Variants in SELENOF observed in about 807,000 individuals in gnomAD.
SELENOF encodes 15 kDa selenoprotein.
Under a neutral mutation model 20.5 loss-of-function variants are expected in SELENOF, and 16 were observed. That is an observed-to-expected ratio of 0.78 (90% CI 0.53 to 1.19). SELENOF has a LOEUF of 1.19. SELENOF is among the 50% of genes most tolerant of loss of function. The probability of loss-of-function intolerance (pLI) is 0.00; values close to 1 mark genes in which losing one functional copy is unlikely to be tolerated. For synonymous variants in SELENOF, 78 were observed against 74.5 expected, an observed-to-expected ratio of 1.05 and a Z score of -0.24; for missense variants, 215 against 194.2, an observed-to-expected ratio of 1.11 and a Z score of -0.64.
intron 3 of SELENOF, among the ~76,000 whole-genome samples, chr1:86,877,546 C>CAT (rs1658953726): frequency 1.3e-5 from 2 of 152,174 alleles, no homozygotes; most frequent in African/African-American, 4.8e-5. Flanking sequence ...ACTTATGTTT[C>CAT]ATATATACCT....
At chr1:86,914,132 C>T, upstream of SELENOF, 1 of 1,612,810 alleles carries the variant, frequency 6.2e-7, no homozygotes, top group South Asian at 1.1e-5. Context: ...TTTCTGGCTG[C>T]CTAGAAGGAC....
chr1:86,902,776 T>G (rs1406950360), intron 2 of SELENOF, among the ~76,000 whole-genome samples: 2 of 152,214 alleles, frequency 1.3e-5, no homozygotes, highest in Non-Finnish European at 2.9e-5. Context: ...CTTGGCTCTG[T>G]TTTCAGATGT....
chr1:86,870,392 C>T (rs769214991), intron 3 of SELENOF, among the ~76,000 whole-genome samples: 24 of 152,150 alleles, frequency 1.6e-4, no homozygotes, highest in Non-Finnish European at 2.6e-4. Flanking sequence ...CTGCAAACTC[C>T]TGAATCCCCA....
chr1:86,879,824 T>G (rs1431440413), intron 3 of SELENOF, among the ~76,000 whole-genome samples: 1 of 152,228 alleles, frequency 6.6e-6, no homozygotes, highest in South Asian at 2.1e-4. Flanking sequence ...AGAATATACC[T>G]TCACAATTAT....
chr1:86,895,526 A>G (rs1443784001), intron 2 of SELENOF, among the ~76,000 whole-genome samples: 4 of 152,238 alleles, frequency 2.6e-5, no homozygotes. Context: ...TCCCCAATTT[A>G]TAGTTATAAA....
At chr1:86,890,973 T>C (rs1659368230) in intron 2 of SELENOF, among the ~76,000 whole-genome samples, 1 of 152,098 alleles carries the variant, frequency 6.6e-6, no homozygotes. Context: ...CTTCGTAACA[T>C]TAGATATTAT....
Position 86,862,794 on chromosome 1 carries a change from TG to T in SELENOF, c.*679del, listed in dbSNP as rs1222403415. 6.6e-6 allele frequency: 1 copy of T among 152,364 alleles called. No homozygotes were observed. The highest frequency in any genetic ancestry group is 1.5e-5 in the Non-Finnish European group (1 of 68,036). The allele number at this position is 152,364 out of a possible 1,614,324, so 9.4% of individuals were successfully genotyped here. A position where few individuals can be genotyped will look rare whatever the true frequency, so the allele number is the denominator to read the frequency against. On this transcript the variant is annotated 3_prime_UTR_variant, in exon 5 of 5. Transcript: ENST00000331835. ...TTTTAAATGGACTTTTCTGTAAGAA[TG>T]TAAAACTCAAAAATTTGCCAAGTAT...
At chr1:86,873,058 A>C (rs1219725121) in intron 3 of SELENOF, among the ~76,000 whole-genome samples, 27 of 78,904 alleles carry the variant, frequency 3.4e-4, no homozygotes, top group African/African-American at 2.7e-3. Context: ...TAAATAAATA[A>C]ATAAATAAAT....
intron 3 of SELENOF, among the ~76,000 whole-genome samples, chr1:86,877,157 A>G (rs1658944258): frequency 6.6e-6 from 1 of 152,208 alleles, no homozygotes; most frequent in African/African-American, 2.4e-5. Context: ...AAATATTTAT[A>G]GAATTATGGA....
chr1:86,892,249 TTAG>T (rs1213017995), intron 2 of SELENOF, among the ~76,000 whole-genome samples: 6 of 152,198 alleles, frequency 3.9e-5, no homozygotes, highest in African/African-American at 7.2e-5. Context: ...ATGTTATTAT[TTAG>T]TATTACTGCT....
intron 2 of SELENOF, among the ~76,000 whole-genome samples, chr1:86,891,103 G>A (rs1659372893): frequency 6.7e-6 from 1 of 149,292 alleles, no homozygotes; most frequent in Non-Finnish European, 1.5e-5. Context: ...AGGCTGGAGT[G>A]CAATGGCAAG....
chr1:86,913,892 T>C, intron 1 of SELENOF, 136 bp downstream of exon 1: 5 of 762,388 alleles, frequency 6.6e-6, no homozygotes, highest in Non-Finnish European at 1.1e-5. Context: ...TAAGCCACGT[T>C]GCATTCTGGC....
At chr1:86,897,167 C>T (rs758027112) in intron 2 of SELENOF, among the ~76,000 whole-genome samples, 26 of 151,790 alleles carry the variant, frequency 1.7e-4, no homozygotes, top group Non-Finnish European at 2.9e-4. Flanking sequence ...ATTAGCTGGG[C>T]GTGGTGGCGG....
At position 86,868,110 on chromosome 1, in the gene SELENOF, A is replaced by C; in HGVS notation, c.317-8T>G. On this transcript the variant is annotated splice_polypyrimidine_tract_variant and splice_region_variant and intron_variant, in intron 3 of 4. Transcript: ENST00000331835. ...TATCACTCCTAACAAAAGCTTATAAAAAAAGAAAAAAAGATTCAGTAGTTC... is the reference window on the plus strand; with the variant it reads ...TATCACTCCTAACAAAAGCTTATAACAAAAGAAAAAAAGATTCAGTAGTTC... The C allele has an allele frequency of 7.2e-7, 1 of 1,397,374 alleles. No homozygotes were observed. Among genetic ancestry groups the C allele is most frequent in the Non-Finnish European group, 9.8e-7 (1 of 1,017,960 alleles). 86.6% of individuals were successfully genotyped at this position (1,397,374 alleles called of 1,614,324 possible).
At chr1:86,898,052 C>A (rs1659571819) in intron 2 of SELENOF, among the ~76,000 whole-genome samples, 1 of 152,114 alleles carries the variant, frequency 6.6e-6, no homozygotes, top group East Asian at 1.9e-4. Context: ...ACTAACTGTA[C>A]AAAAACAGTA....
intron 1 of SELENOF, among the ~76,000 whole-genome samples, chr1:86,910,679 G>C (rs1659956549): frequency 6.9e-6 from 1 of 145,234 alleles, no homozygotes; most frequent in South Asian, 2.2e-4. Context: ...ACTCCAGCCT[G>C]GCAACAGAGC....
intron 2 of SELENOF, among the ~76,000 whole-genome samples, chr1:86,884,968 G>A (rs1659176044): frequency 6.6e-6 from 1 of 152,164 alleles, no homozygotes; most frequent in South Asian, 2.1e-4. Flanking sequence ...CTTCTGATAT[G>A]GTTCTCTGGG....
At chr1:86,896,715 G>A (rs567523187) in intron 2 of SELENOF, among the ~76,000 whole-genome samples, 1 of 152,156 alleles carries the variant, frequency 6.6e-6, no homozygotes, top group Non-Finnish European at 1.5e-5. Context: ...GTAGAAACGG[G>A]AGATCTATAT....
intron 2 of SELENOF, among the ~76,000 whole-genome samples, chr1:86,886,085 T>C (rs1043432808): frequency 6.6e-6 from 1 of 152,142 alleles, no homozygotes; most frequent in Non-Finnish European, 1.5e-5. Flanking sequence ...CACTCCAAAT[T>C]TTCTCAAGCT....
Sources: gnomAD v4.1 joint callset for allele counts (sites outside exome capture counted in the v4.1 genomes callset) on GRCh38, gnomAD v4.1.1 for gene constraint, MANE v1.5 for transcripts, NCBI Gene and HGNC (gene_info 2026-07-23, HGNC 2026-07-21) for gene names.